C2CD5: variants seen among roughly 807,000 people sequenced by gnomAD.
The protein encoded by C2CD5 is C2 calcium dependent domain containing 5, also known as C2 domain-containing protein 5.
A neutral mutation model predicts 130.3 loss-of-function variants in C2CD5; 109 were observed. The observed-to-expected ratio is 0.84, with a 90% CI of 0.72 to 0.98. C2CD5 has a LOEUF of 0.98. C2CD5 is among the 50% of genes least tolerant of loss of function. The pLI, the probability that C2CD5 is intolerant of heterozygous loss-of-function variation, is 0.00. For missense variants in C2CD5, 996 were observed against 1,261.8 expected, an observed-to-expected ratio of 0.79 and a Z score of 3.19; for synonymous variants, 454 against 429.2, an observed-to-expected ratio of 1.06 and a Z score of -0.71.
chr12:22,459,512 C>T lies in C2CD5; in HGVS notation c.2564G>A (p.Gly855Asp). ...CTCACCTCTCTGTGCAGCTGGTATA[C>T]CTGAGTTAGAACTTGCACTCTCCAG... is the stretch of plus-strand genomic sequence containing the variant. ...EHLESASSNS[G>D]IPAAQRATSV... The change falls in exon 23 of 27, where the codon GGT becomes GAT. Residue 855 changes from glycine to aspartate, a missense_variant. This residue lies in a region of C2CD5 where 590 missense variants were observed against 631.4 expected (regional missense o/e 0.93). Transcript: ENST00000446597. The T allele has an allele frequency of 6.5e-7, 1 of 1,532,668 alleles. No individual in the cohort carries two copies. The highest frequency in any genetic ancestry group is 2.4e-5 in the East Asian group (1 of 40,840). The allele number at this position is 1,532,668 out of a possible 1,614,324, so 94.9% of individuals were successfully genotyped here. A position where few individuals can be genotyped will look rare whatever the true frequency, so the allele number is the denominator to read the frequency against.
At chr12:22,519,005 A>T in intron 7 of C2CD5, 1 of 917,736 alleles carries the variant, frequency 1.1e-6, no homozygotes, top group Non-Finnish European at 1.6e-6. Context: ...TAAGAAAAGG[A>T]TGAAGCAAAG....
At chr12:22,526,061 T>C (rs924983846) in intron 4 of C2CD5, among the ~76,000 whole-genome samples, 10 of 152,242 alleles carry the variant, frequency 6.6e-5, no homozygotes, top group African/African-American at 2.4e-4. Flanking sequence ...TTTATCTGGA[T>C]ATAACGCCAT....
intron 12 of C2CD5, among the ~76,000 whole-genome samples, chr12:22,485,362 T>C (rs1024590298): frequency 2.0e-5 from 3 of 151,480 alleles, no homozygotes; most frequent in Non-Finnish European, 4.4e-5. Context: ...TACAAAAAAA[T>C]AGAAAGAATG....
intron 3 of C2CD5, among the ~76,000 whole-genome samples, chr12:22,534,006 CA>C (rs1431412888): frequency 1.3e-5 from 2 of 152,060 alleles, no homozygotes; most frequent in African/African-American, 4.8e-5. Flanking sequence ...GCCAACAGGG[CA>C]AAACCCCATC....
chr12:22,518,948 CTG>C (rs1226976754), intron 7 of C2CD5: 24 of 539,346 alleles, frequency 4.4e-5, no homozygotes, highest in Non-Finnish European at 7.4e-5. Flanking sequence ...GTTAGAGACT[CTG>C]TGGCAGCTAA....
At chr12:22,456,937 T>G (rs748041637) in intron 25 of C2CD5, 34 bp downstream of exon 25, 5 of 1,400,904 alleles carry the variant, frequency 3.6e-6, no homozygotes, top group Non-Finnish European at 1.9e-6. Flanking sequence ...CAGAGAAAAT[T>G]TTTTAAAAAA....
chr12:22,452,444 C>T (rs1938866692), intron 26 of C2CD5, among the ~76,000 whole-genome samples: 1 of 152,106 alleles, frequency 6.6e-6, no homozygotes. Flanking sequence ...ACACAATCTC[C>T]TTCACGCCAA....
Position 22,470,804 on chromosome 12 carries a change from C to A in C2CD5, c.2446+20G>T, listed in dbSNP as rs757178682. 34 of 1,464,154 alleles carry A rather than the reference C, an allele frequency of 2.3e-5. No homozygotes were observed. In the East Asian group the frequency reaches 7.3e-4, roughly 31 times the overall value. The allele number at this position is 1,464,154 out of a possible 1,614,324, so 90.7% of individuals were successfully genotyped here. On this transcript the variant is annotated intron_variant, in intron 21 of 26. Transcript: ENST00000446597. ...ACACAGACAAACACAAACTGAACTTCCTATTCAGTAAAGATTTACCTCTTT... is the reference window on the plus strand; with the variant it reads ...ACACAGACAAACACAAACTGAACTTACTATTCAGTAAAGATTTACCTCTTT...
chr12:22,500,551 A>G (rs1455207088), intron 10 of C2CD5, among the ~76,000 whole-genome samples: 1 of 152,182 alleles, frequency 6.6e-6, no homozygotes, highest in South Asian at 2.1e-4. Context: ...TTTATCTTGT[A>G]TCACACCATA....
chr12:22,472,271 GA>G lies in C2CD5; in HGVS notation c.2169+14del. The G allele has an allele frequency of 2.4e-5, 34 of 1,425,618 alleles. No homozygotes were observed. Among genetic ancestry groups the G allele is most frequent in the Admixed American group, 6.3e-5 (3 of 47,584 alleles). 88.3% of individuals were successfully genotyped at this position (1,425,618 alleles called of 1,614,324 possible). The stretch of plus-strand genomic sequence containing the variant: ...TTATGTGTTATGTGCTTAAAATTAA[GA>G]AAAAAAGGTTTACCTGTATTTCAGA... On this transcript the variant is annotated intron_variant, in intron 18 of 26. Transcript: ENST00000446597.
At chr12:22,480,153 A>G (rs1342006519) in intron 14 of C2CD5, among the ~76,000 whole-genome samples, 1 of 152,092 alleles carries the variant, frequency 6.6e-6, no homozygotes, top group Non-Finnish European at 1.5e-5. Flanking sequence ...ACCACCTCTA[A>G]TGTGTTTTAG....
chr12:22,456,894 A>G (rs1247465198), intron 25 of C2CD5, 77 bp downstream of exon 25: 6 of 880,194 alleles, frequency 6.8e-6, no homozygotes, highest in Non-Finnish European at 1.0e-5. Flanking sequence ...GCAAAAAATA[A>G]CAATTTGAAA....
At chr12:22,477,643 CAAAT>C (rs1035722420) in intron 15 of C2CD5, among the ~76,000 whole-genome samples, 3 of 152,102 alleles carry the variant, frequency 2.0e-5, no homozygotes, top group Admixed American at 6.5e-5. Context: ...CTCATAAAAA[CAAAT>C]AGTTTCATTC....
At chr12:22,488,651 C>T (rs763895349) in intron 12 of C2CD5, among the ~76,000 whole-genome samples, 3 of 151,972 alleles carry the variant, frequency 2.0e-5, no homozygotes, top group Non-Finnish European at 4.4e-5. Context: ...AGAGAGTTTC[C>T]TCAATAGAAT....
chr12:22,469,138 A>G (rs745775921), intron 22 of C2CD5, among the ~76,000 whole-genome samples: 3 of 152,208 alleles, frequency 2.0e-5, no homozygotes, highest in Non-Finnish European at 4.4e-5. Flanking sequence ...AAATAGATTT[A>G]TTGCTATTAA....
chr12:22,472,148 A>G (rs747844140), intron 18 of C2CD5, 83 bp from the exon 19 acceptor site: 51 of 888,928 alleles, frequency 5.7e-5, no homozygotes, highest in Non-Finnish European at 8.9e-5. Context: ...AATAATGAAC[A>G]ATACTAACTA....
intron 10 of C2CD5, among the ~76,000 whole-genome samples, chr12:22,500,798 T>C (rs956241561): frequency 6.6e-6 from 1 of 150,636 alleles, no homozygotes. Flanking sequence ...AATAAGTATA[T>C]TTAATATGGT....
At chr12:22,489,925 T>A (rs761582638) in intron 12 of C2CD5, among the ~76,000 whole-genome samples, 198 bp downstream of exon 12, 1 of 152,114 alleles carries the variant, frequency 6.6e-6, no homozygotes, top group Admixed American at 6.6e-5. Context: ...GAAACAATAA[T>A]GTGTGCCATA....
At chr12:22,532,330 C>CAAA (rs200592425) in intron 3 of C2CD5, among the ~76,000 whole-genome samples, 2,711 of 131,494 alleles carry the variant, frequency 0.021, 85 homozygotes, top group African/African-American at 0.07. Context: ...AACTCCGTCT[C>CAAA]AAAAAAAAAA....
Sources: gnomAD v4.1 joint callset for allele counts (sites outside exome capture counted in the v4.1 genomes callset) on GRCh38, gnomAD v4.1.1 for gene constraint, gnomAD v4.1.1 regional missense constraint, MANE v1.5 for transcripts, NCBI Gene and HGNC (gene_info 2026-07-23, HGNC 2026-07-21) for gene names.